The following SLC44A5 variants were observed in gnomAD, a reference collection of about 807,000 sequenced individuals.
SLC44A5 encodes solute carrier family 44 member 5, also known as choline transporter-like protein 5.
A neutral mutation model predicts 101.8 loss-of-function variants in SLC44A5; 57 were observed. That is an observed-to-expected ratio of 0.56 (90% CI 0.45 to 0.70). The LOEUF (loss-of-function observed/expected upper bound fraction) is 0.70. Ranked by LOEUF, SLC44A5 falls within the 30% of genes least tolerant of loss-of-function variation. The pLI is 0.00. For synonymous variants in SLC44A5, 281 were observed against 290.9 expected (o/e 0.97, Z 0.35); for missense variants, 737 against 853.1 (o/e 0.86, Z 1.70).
chr1:75,245,327 G>A (rs538341555), intron 7 of SLC44A5, among the ~76,000 whole-genome samples: 2 of 152,234 alleles, frequency 1.3e-5, no homozygotes, highest in South Asian at 4.1e-4. Context: ...GAAAGCTGAA[G>A]AACAATTTAG....
At chr1:75,476,614 C>G (rs932273555) in intron 2 of SLC44A5, among the ~76,000 whole-genome samples, 8 of 152,242 alleles carry the variant, frequency 5.3e-5, no homozygotes, top group Non-Finnish European at 7.3e-5. Flanking sequence ...ACACCTGGCT[C>G]GGAGGGTCCT....
At chr1:75,467,094 A>C (rs1230306581) in intron 2 of SLC44A5, among the ~76,000 whole-genome samples, 1 of 152,168 alleles carries the variant, frequency 6.6e-6, no homozygotes, top group Non-Finnish European at 1.5e-5. Flanking sequence ...AATAGCCACA[A>C]ATTAAACTAA....
intron 2 of SLC44A5, among the ~76,000 whole-genome samples, chr1:75,438,387 A>G (rs1281258043): frequency 6.6e-6 from 1 of 152,114 alleles, no homozygotes; most frequent in Non-Finnish European, 1.5e-5. Flanking sequence ...CATGAATAAA[A>G]CATTCTGCTT....
intron 4 of SLC44A5, among the ~76,000 whole-genome samples, chr1:75,334,050 C>A (rs923884696): frequency 3.3e-5 from 5 of 152,098 alleles, no homozygotes; most frequent in Non-Finnish European, 5.9e-5. Context: ...TGCCATCTGC[C>A]CAAGAGCCCT....
the SLC44A5 span, among the ~76,000 whole-genome samples, chr1:75,681,032 G>T: frequency 0.25 from 37,643 of 149,186 alleles, 4,949 homozygotes; most frequent in Middle Eastern, 0.35. Flanking sequence ...TAAATTCCTT[G>T]ACACATACAC....
intron 2 of SLC44A5, among the ~76,000 whole-genome samples, chr1:75,433,552 A>T (rs1664729470): frequency 6.6e-6 from 1 of 152,146 alleles, no homozygotes; most frequent in Admixed American, 6.5e-5. Context: ...TTCCAATGGG[A>T]GATCTCACCC....
chr1:75,599,371 A>G (rs1674837311), intron 1 of SLC44A5, among the ~76,000 whole-genome samples: 1 of 152,202 alleles, frequency 6.6e-6, no homozygotes, highest in African/African-American at 2.4e-5. Context: ...CATCAACAGA[A>G]CAATTGGAGA....
intron 3 of SLC44A5, among the ~76,000 whole-genome samples, chr1:75,376,667 A>G (rs1660642612): frequency 6.6e-6 from 1 of 151,098 alleles, no homozygotes; most frequent in Non-Finnish European, 1.5e-5. Context: ...ATCCACACCA[A>G]AAACCCATCT....
intron 4 of SLC44A5, among the ~76,000 whole-genome samples, chr1:75,303,898 T>A (rs1654702003): frequency 6.6e-6 from 1 of 152,178 alleles, no homozygotes; most frequent in South Asian, 2.1e-4. Context: ...GGCGCATGTA[T>A]ACATATGTAA....
chr1:75,558,255 T>C (rs1194501505), intron 1 of SLC44A5, among the ~76,000 whole-genome samples: 1 of 152,156 alleles, frequency 6.6e-6, no homozygotes, highest in Admixed American at 6.6e-5. Context: ...TTTAGAAACA[T>C]ACTCTCTAAA....
chr1:75,709,085 C>T, the SLC44A5 span, among the ~76,000 whole-genome samples: 1 of 152,172 alleles, frequency 6.6e-6, no homozygotes, highest in African/African-American at 2.4e-5. Context: ...CTCCCAATAA[C>T]TCAACCACTT....
chr1:75,685,262 G>C, the SLC44A5 span, among the ~76,000 whole-genome samples: 2 of 152,176 alleles, frequency 1.3e-5, no homozygotes, highest in Non-Finnish European at 2.9e-5. Context: ...AGGGGCTGCT[G>C]TGAAGACCTT....
At chr1:75,455,553 G>A (rs1423042363) in intron 2 of SLC44A5, among the ~76,000 whole-genome samples, 1 of 151,998 alleles carries the variant, frequency 6.6e-6, no homozygotes, top group African/African-American at 2.4e-5. Flanking sequence ...CACACCAAAA[G>A]ATACTATCAA....
At chr1:75,259,195 A>T (rs953455929) in intron 6 of SLC44A5, among the ~76,000 whole-genome samples, 4 of 152,192 alleles carry the variant, frequency 2.6e-5, no homozygotes, top group Non-Finnish European at 5.9e-5. Flanking sequence ...AATTGACAGA[A>T]TTAGGCTTCA....
At chr1:75,659,546 A>T in the SLC44A5 span, among the ~76,000 whole-genome samples, 1 of 136,124 alleles carries the variant, frequency 7.3e-6, no homozygotes, top group Non-Finnish European at 1.6e-5. Context: ...TAGGCCAGGC[A>T]CTTTGGGAGG....
At chr1:75,653,336 G>C in the SLC44A5 span, among the ~76,000 whole-genome samples, 1 of 152,110 alleles carries the variant, frequency 6.6e-6, no homozygotes, top group Non-Finnish European at 1.5e-5. Flanking sequence ...ACAAAAATTA[G>C]CTGGGTATGG....
At chr1:75,652,167 A>C in the SLC44A5 span, among the ~76,000 whole-genome samples, 1 of 152,194 alleles carries the variant, frequency 6.6e-6, no homozygotes, top group Non-Finnish European at 1.5e-5. Context: ...GCCCCTCCCA[A>C]GTGCTGGCAG....
At chr1:75,632,133 C>G in the SLC44A5 span, among the ~76,000 whole-genome samples, 1 of 152,164 alleles carries the variant, frequency 6.6e-6, no homozygotes, top group African/African-American at 2.4e-5. Flanking sequence ...GAATTCCCTT[C>G]TATTTCAGCC....
At chr1:75,365,906 ATACTTC>A (rs550995086) in intron 3 of SLC44A5, among the ~76,000 whole-genome samples, 93 of 152,336 alleles carry the variant, frequency 6.1e-4, no homozygotes, top group African/African-American at 2.2e-3. Flanking sequence ...ATAAATCTCT[ATACTTC>A]TACTTCACTA....
Sources: gnomAD v4.1 joint callset for allele counts (sites outside exome capture counted in the v4.1 genomes callset) on GRCh38, gnomAD v4.1.1 for gene constraint, MANE v1.5 for transcripts, NCBI Gene and HGNC (gene_info 2026-07-23, HGNC 2026-07-21) for gene names.